Variants in INSIG1 observed in about 807,000 individuals in gnomAD.
INSIG1 encodes insulin-induced gene 1 protein.
INSIG1 carries 14 observed loss-of-function variants against 26.5 expected under a neutral mutation model. The ratio of observed to expected loss-of-function variants is 0.53; its 90% CI spans 0.35 to 0.83. The LOEUF (loss-of-function observed/expected upper bound fraction) is 0.83, where lower values mean the gene tolerates loss of function less well. INSIG1 is among the 40% of genes least tolerant of loss of function. The pLI is 0.01. For synonymous variants in INSIG1, 147 were observed against 153.3 expected (o/e 0.96, Z 0.30); for missense variants, 272 against 368.9 (o/e 0.74, Z 2.15).
At chr7:155,307,017 C>T (rs1406334671) in intron 5 of INSIG1, among the ~76,000 whole-genome samples, 2 of 152,228 alleles carry the variant, frequency 1.3e-5, no homozygotes, top group South Asian at 2.1e-4. Flanking sequence ...AAGTCCACTT[C>T]CCATTTATTT....
At chr7:155,304,626 C>T (rs1177558270) in intron 5 of INSIG1, among the ~76,000 whole-genome samples, 1 of 152,146 alleles carries the variant, frequency 6.6e-6, no homozygotes, top group African/African-American at 2.4e-5. Flanking sequence ...TTCATAAGTT[C>T]TAAACATCTA....
Position 155,298,445 on chromosome 7 carries a change from C to G in INSIG1, c.160C>G (p.Pro54Ala), listed in dbSNP as rs1407846667. 1.9e-6 allele frequency: 3 copies of G among 1,555,334 alleles called. No homozygotes were observed. The highest frequency in any genetic ancestry group is 2.6e-6 in the Non-Finnish European group (3 of 1,151,346). ...CTCCCTGCTGGCGGCCCACGGTGCC[C>G]CGGACGCTGACCCCGCGCCCAGGGG... ...GPSLLAAHGA[P>A]DADPAPRGRS... The change falls in exon 2 of 6, where the codon CCG becomes GCG. Residue 54 changes from proline to alanine, a missense_variant. Pro to Ala is a conservative substitution (Grantham distance 27). Coordinates refer to ENST00000340368, the MANE Select transcript of INSIG1 (RefSeq NM_005542.6).
rs973681590 is a variant in INSIG1 at position 155,302,887 on chromosome 7, C to T, written c.804+41C>T. ...ATATTATCTTCTAAAACTTGCGTCT[C>T]TTTACCTTGATAGAATGACTTTACA... is the stretch of plus-strand genomic sequence containing the variant. On this transcript the variant is annotated intron_variant, in intron 5 of 5. Coordinates refer to ENST00000340368, the MANE Select transcript of INSIG1 (RefSeq NM_005542.6). This position sits in a 1 kb window ranked among gnomAD's most constrained non-coding sequence, Gnocchi z 4.3. 4 of 1,309,188 alleles carry T rather than the reference C, an allele frequency of 3.1e-6. No individual in the cohort carries two copies. Among genetic ancestry groups the T allele is most frequent in the Admixed American group, 3.4e-5 (2 of 59,180 alleles). The allele number at this position is 1,309,188 out of a possible 1,614,324, so 81.1% of individuals were successfully genotyped here.
Position 155,302,400 on chromosome 7 carries a change from G to A in INSIG1, c.687G>A (p.Val229=). Residue 229 remains valine (V), a synonymous_variant, in exon 4 of 6, where the codon GTG becomes GTA. Transcript: ENST00000340368. The surrounding 1 kb of genome is among the most constrained non-coding windows in gnomAD (Gnocchi z 4.3). ...CTACGCTGATCACGCAGTTTCTCGT[G>A]TATAATGGTGTCTATCAGTAAGTGT... ...FLATLITQFL[V]YNGVYQYTSP... is the part of the protein sequence containing the mutation. The A allele has an allele frequency of 6.2e-7, 1 of 1,600,034 alleles. No homozygotes were observed. Among genetic ancestry groups the A allele is most frequent in the Non-Finnish European group, 8.5e-7 (1 of 1,175,522 alleles).
At chr7:155,299,543 A>T (rs1357870986) in intron 2 of INSIG1, among the ~76,000 whole-genome samples, 2 of 152,200 alleles carry the variant, frequency 1.3e-5, no homozygotes, top group South Asian at 4.1e-4. Context: ...CCTCAACTCT[A>T]TAAGCTGTTG....
chr7:155,306,750 G>C (rs1404295942), intron 5 of INSIG1, among the ~76,000 whole-genome samples: 2 of 152,248 alleles, frequency 1.3e-5, no homozygotes, highest in Non-Finnish European at 2.9e-5. Flanking sequence ...GTGGGTGGCA[G>C]AGGTCGACGT....
intron 3 of INSIG1, among the ~76,000 whole-genome samples, chr7:155,301,900 ATATT>A (rs1171569838): frequency 4.9e-5 from 7 of 142,078 alleles, no homozygotes; most frequent in South Asian, 2.1e-4. Context: ...AAATAAATAT[ATATT>A]TATTTATATT....
chr7:155,302,900 G>C lies in INSIG1; in HGVS notation c.804+54G>C. 3 of 1,201,848 alleles carry C rather than the reference G, an allele frequency of 2.5e-6. No homozygotes were observed. The highest frequency in any genetic ancestry group is 3.7e-6 in the Non-Finnish European group (3 of 806,996). 74.4% of individuals were successfully genotyped at this position (1,201,848 alleles called of 1,614,324 possible). On this transcript the variant is annotated intron_variant, in intron 5 of 5. Transcript: ENST00000340368. The surrounding 1 kb of genome is among the most constrained non-coding windows in gnomAD (Gnocchi z 4.3). The stretch of plus-strand genomic sequence containing the variant: ...AAACTTGCGTCTCTTTACCTTGATA[G>C]AATGACTTTACATGATACATTCAAA...
rs754634418 is a variant in INSIG1 at position 155,301,690 on chromosome 7, T to C, written c.537T>C (p.Ala179=). Residue 179 remains alanine (A), a splice_region_variant and synonymous_variant, in exon 3 of 6, where the codon GCT becomes GCC. Coordinates refer to ENST00000340368, the MANE Select transcript of INSIG1 (RefSeq NM_005542.6). ...AVFVGINHAS[A]KLDFANNVQL... ...TTGTTGGCATTAACCACGCCAGTGC[T>C]GTATCCTTAATTTTCTGTGCTACGT... The C allele has an allele frequency of 1.3e-6, 2 of 1,558,640 alleles. No individual in the cohort carries two copies. The highest frequency in any genetic ancestry group is 1.2e-5 in the South Asian group (1 of 82,142).
intron 5 of INSIG1, chr7:155,304,017 G>A (rs1797867615): frequency 2.7e-6 from 1 of 375,768 alleles, no homozygotes; most frequent in Non-Finnish European, 4.8e-6. Flanking sequence ...GCTCTGGAGT[G>A]CAGTGGTGCC....
chr7:155,305,702 T>G (rs1563033134), intron 5 of INSIG1, among the ~76,000 whole-genome samples: 1 of 152,204 alleles, frequency 6.6e-6, no homozygotes, highest in Non-Finnish European at 1.5e-5. Context: ...GGTCTGTGTT[T>G]GGTGCTGATG....
intron 5 of INSIG1, among the ~76,000 whole-genome samples, chr7:155,306,981 T>C (rs976245687): frequency 2.0e-5 from 3 of 152,258 alleles, no homozygotes; most frequent in Admixed American, 6.5e-5. Context: ...GGCCTCACTG[T>C]GGCCTCTGTC....
At chr7:155,305,823 C>G (rs1404022351) in intron 5 of INSIG1, among the ~76,000 whole-genome samples, 1 of 152,164 alleles carries the variant, frequency 6.6e-6, no homozygotes, top group East Asian at 1.9e-4. Flanking sequence ...TAGTTACTTG[C>G]AAGAATAACC....
intron 5 of INSIG1, chr7:155,303,723 A>T: frequency 2.2e-6 from 1 of 460,792 alleles, no homozygotes; most frequent in Middle Eastern, 3.8e-4. Flanking sequence ...AAATTAAAAA[A>T]AACAACAAAA....
rs1473108814 is a variant in INSIG1 at position 155,301,580 on chromosome 7, C to T, written c.427C>T (p.Leu143=). 1.9e-6 allele frequency: 3 copies of T among 1,608,074 alleles called. No individual in the cohort carries two copies. Among genetic ancestry groups the T allele is most frequent in the Non-Finnish European group, 1.7e-6 (2 of 1,175,902 alleles). Residue 143 remains leucine, a synonymous_variant, in exon 3 of 6, where the codon CTG becomes TTG. Transcript: ENST00000340368. ...CGTAAAVVGL[L]YPCIDSHLGE... ...TTTTAAAACAGCTGTTGTTGGCCTA[C>T]TGTACCCCTGTATCGACAGTCACCT...
chr7:155,298,340 C>T lies in INSIG1; in HGVS notation c.55C>T (p.Arg19Cys). The T allele has an allele frequency of 1.3e-6, 2 of 1,509,476 alleles. No homozygotes were observed. Among genetic ancestry groups the T allele is most frequent in the Non-Finnish European group, 1.8e-6 (2 of 1,137,806 alleles). The allele number at this position is 1,509,476 out of a possible 1,614,324, so 93.5% of individuals were successfully genotyped here. ...WSCSCAHSAR[R>C]RGPPRASAAG... ...CTGCTCCTGTGCGCACAGCGCGAGGCGCCGAGGCCCCCCGCGAGCCAGCGC... is the reference window on the plus strand; with the variant it reads ...CTGCTCCTGTGCGCACAGCGCGAGGTGCCGAGGCCCCCCGCGAGCCAGCGC... The change falls in exon 2 of 6, where the codon CGC becomes TGC. Residue 19 changes from arginine to cysteine, a missense_variant. By Grantham distance (180) the Arg-to-Cys change is radical. Transcript: ENST00000340368.
chr7:155,301,796 T>C, intron 3 of INSIG1, 106 bp downstream of exon 3: 1 of 1,104,880 alleles, frequency 9.1e-7, no homozygotes, highest in East Asian at 2.8e-5. Flanking sequence ...AATACAGACA[T>C]GATGGTGGTA....
chr7:155,303,109 C>G, intron 5 of INSIG1: 1 of 327,526 alleles, frequency 3.1e-6, no homozygotes, highest in Non-Finnish European at 5.8e-6. Context: ...GGTCAGTGTT[C>G]TGAATTCTTG....
In INSIG1 at chr7:155,302,920, T is replaced by C; in HGVS notation, c.804+74T>C. On this transcript the variant is annotated intron_variant, in intron 5 of 5. Transcript: ENST00000340368. The surrounding 1 kb of genome is among the most constrained non-coding windows in gnomAD (Gnocchi z 4.3). Reference sequence around the variant, plus strand: ...TGATAGAATGACTTTACATGATACATTCAAATTTGCGTTCATATATTCTGG... The same window carrying C: ...TGATAGAATGACTTTACATGATACACTCAAATTTGCGTTCATATATTCTGG... 2.0e-6 allele frequency: 2 copies of C among 1,015,228 alleles called. No individual in the cohort carries two copies. The highest frequency in any genetic ancestry group is 1.5e-6 in the Non-Finnish European group (1 of 647,134). The allele number at this position is 1,015,228 out of a possible 1,614,324, so 62.9% of individuals were successfully genotyped here.
Sources: allele counts gnomAD v4.1 joint callset (sites outside exome capture counted in the v4.1 genomes callset), GRCh38; gene constraint gnomAD v4.1.1; non-coding constraint Gnocchi (gnomAD v3.1); transcripts MANE v1.5; gene names NCBI Gene and HGNC (gene_info 2026-07-23, HGNC 2026-07-21).